ZFP62: variants seen among roughly 807,000 people sequenced by gnomAD.
ZFP62 encodes the protein zinc finger protein 62 homolog.
In ZFP62, 44 loss-of-function variants were observed where a neutral mutation model predicts 56.4. The ratio of observed to expected loss-of-function variants is 0.78; its 90% CI spans 0.61 to 1.00. The LOEUF (loss-of-function observed/expected upper bound fraction) is 1.00. Among genes scored for constraint, ZFP62 ranks in the 50% least tolerant of loss-of-function variants. ZFP62 has a pLI of 0.00. For synonymous variants in ZFP62, 421 were observed against 388.9 expected, an observed-to-expected ratio of 1.08 and a Z score of -0.97; for missense variants, 1,030 against 1,085.7, an observed-to-expected ratio of 0.95 and a Z score of 0.72.
chr5:180,837,553 C>T, the ZFP62 span, among the ~76,000 whole-genome samples: 1 of 152,164 alleles, frequency 6.6e-6, no homozygotes, highest in African/African-American at 2.4e-5. Flanking sequence ...AGCTCCTAAT[C>T]CCTGAGTTAA....
At chr5:180,836,794 T>G in the ZFP62 span, among the ~76,000 whole-genome samples, 1 of 152,240 alleles carries the variant, frequency 6.6e-6, no homozygotes, top group African/African-American at 2.4e-5. Context: ...AGAGGTGGGT[T>G]GCAGATCTAT....
Position 180,851,014 on chromosome 5 carries a change from T to G in ZFP62, c.481A>C (p.Ile161Leu). ...TAGCGCTTTTCCCCAGTGTGCATAATTTTATGTTGAACAAGGCGGGAATTA... is the reference window on the plus strand; with the variant it reads ...TAGCGCTTTTCCCCAGTGTGCATAAGTTTATGTTGAACAAGGCGGGAATTA... ...KYNSRLVQHK[I>L]MHTGEKRYEC... Residue 161 changes from isoleucine (I) to leucine (L), a missense_variant, in exon 2 of 2, where the codon ATT becomes CTT. By Grantham distance (5) the Ile-to-Leu change is conservative. Transcript: ENST00000502412. The G allele has an allele frequency of 6.4e-7, 1 of 1,551,860 alleles. No individual in the cohort carries two copies. The highest frequency in any genetic ancestry group is 8.7e-7 in the Non-Finnish European group (1 of 1,147,072).
chr5:180,841,613 G>T, the ZFP62 span, among the ~76,000 whole-genome samples: 1 of 152,290 alleles, frequency 6.6e-6, no homozygotes, highest in Non-Finnish European at 1.5e-5. Context: ...TCAGATGGAA[G>T]AAATCTAATG....
the ZFP62 span, among the ~76,000 whole-genome samples, chr5:180,833,478 CAAAAAAAA>C: frequency 0.047 from 3,610 of 76,742 alleles, 150 homozygotes; most frequent in African/African-American, 0.14. Context: ...AACTCTGTCT[CAAAAAAAA>C]AAAAAAAAAA....
chr5:180,845,665 C>T (rs1773397034), downstream of ZFP62: 1 of 977,766 alleles, frequency 1.0e-6, no homozygotes, highest in Non-Finnish European at 1.2e-6. Context: ...GAAGGGTCTC[C>T]CCAGCCCAGG....
Position 180,849,921 on chromosome 5 carries a change from C to T in ZFP62, c.1574G>A (p.Arg525Lys), listed in dbSNP as rs1240725663. ...AAAGGGTTTTTCCCTGGTATGAATC[C>T]TTTTATGCTGTTCAAGGGCAGAGCT... is the stretch of plus-strand genomic sequence containing the variant. ...NYSSALEQHKRIHTREKPFGC... is the reference protein window; with the variant it reads ...NYSSALEQHKKIHTREKPFGC... Residue 525 changes from arginine to lysine, a missense_variant, in exon 2 of 2, where the codon AGG becomes AAG. Arg to Lys is a conservative substitution (Grantham distance 26). Coordinates refer to ENST00000502412, the MANE Select transcript of ZFP62 (RefSeq NM_001172638.2). 1.3e-6 allele frequency: 2 copies of T among 1,551,604 alleles called. No individual in the cohort carries two copies. The highest frequency in any genetic ancestry group is 1.2e-5 in the South Asian group (1 of 84,056).
rs987020882 is a variant in ZFP62, at chr5:180,848,127, C to T, written c.*665G>A. Reference sequence around the variant, plus strand: ...ATTCAACTAATGTATCACAATAGTACGTTCATCAATTTGCATTTTTTATGA... The same window carrying T: ...ATTCAACTAATGTATCACAATAGTATGTTCATCAATTTGCATTTTTTATGA... On this transcript the variant is annotated 3_prime_UTR_variant, in exon 2 of 2. Coordinates refer to ENST00000502412, the MANE Select transcript of ZFP62 (RefSeq NM_001172638.2). 196 of 984,968 alleles carry T rather than the reference C, an allele frequency of 2.0e-4. No individual in the cohort carries two copies. Among genetic ancestry groups the T allele is most frequent in the East Asian group, 1.3e-3 (11 of 8,790 alleles). The allele number at this position is 984,968 out of a possible 1,614,324, so 61.0% of individuals were successfully genotyped here. A position where few individuals can be genotyped will look rare whatever the true frequency, so the allele number is the denominator to read the frequency against.
chr5:180,844,148 T>A (rs966044437), downstream of ZFP62, among the ~76,000 whole-genome samples: 2 of 152,250 alleles, frequency 1.3e-5, no homozygotes, highest in African/African-American at 4.8e-5. Flanking sequence ...CATCAACTTT[T>A]GCTCTCATTC....
At chr5:180,857,797 C>CT (rs5873717) in intron 1 of ZFP62, among the ~76,000 whole-genome samples, 96 of 143,764 alleles carry the variant, frequency 6.7e-4, no homozygotes, top group East Asian at 3.8e-3. Context: ...GCACCCAGAC[C>CT]TTTTTTTTTT....
In ZFP62 at chr5:180,848,044, A is replaced by T. The variant is rs1773476546; in HGVS notation, c.*748T>A. Reference sequence around the variant, plus strand: ...GAATACCACTTCCAGGTTATCCCTCATCACAAATTCATCATTCATTATGGG... The same window carrying T: ...GAATACCACTTCCAGGTTATCCCTCTTCACAAATTCATCATTCATTATGGG... On this transcript the variant is annotated 3_prime_UTR_variant, in exon 2 of 2. Coordinates refer to ENST00000502412, the MANE Select transcript of ZFP62 (RefSeq NM_001172638.2). 2 of 985,354 alleles carry T rather than the reference A, an allele frequency of 2.0e-6. No individual in the cohort carries two copies. The highest frequency in any genetic ancestry group is 2.4e-6 in the Non-Finnish European group (2 of 829,952). 61.0% of individuals were successfully genotyped at this position (985,354 alleles called of 1,614,324 possible). A position where few individuals can be genotyped will look rare whatever the true frequency, so the allele number is the denominator to read the frequency against.
In ZFP62 at chr5:180,847,613, T is replaced by C. The variant is rs1773450815; in HGVS notation, c.*1179A>G. The C allele has an allele frequency of 1.0e-6, 1 of 985,442 alleles. No homozygotes were observed. Among genetic ancestry groups the C allele is most frequent in the African/African-American group, 1.7e-5 (1 of 57,368 alleles). The allele number at this position is 985,442 out of a possible 1,614,324, so 61.0% of individuals were successfully genotyped here. A position where few individuals can be genotyped will look rare whatever the true frequency, so the allele number is the denominator to read the frequency against. Reference sequence around the variant, plus strand: ...CCTCCATCTAAACTCACAGCCCGTTTTGATTTAAGGAATTTCTTTATTGGA... The same window carrying C: ...CCTCCATCTAAACTCACAGCCCGTTCTGATTTAAGGAATTTCTTTATTGGA... On this transcript the variant is annotated 3_prime_UTR_variant, in exon 2 of 2. Transcript: ENST00000502412.
At chr5:180,854,421 T>C (rs1773867504) in intron 1 of ZFP62, among the ~76,000 whole-genome samples, 1 of 152,144 alleles carries the variant, frequency 6.6e-6, no homozygotes, top group Admixed American at 6.5e-5. Flanking sequence ...GGTTGATAAA[T>C]GTAGAAGGAA....
chr5:180,840,411 C>T, the ZFP62 span, among the ~76,000 whole-genome samples: 1 of 152,120 alleles, frequency 6.6e-6, no homozygotes, highest in African/African-American at 2.4e-5. Context: ...TTGCAGGATT[C>T]TAGGTGTGGG....
At chr5:180,829,334 T>C in the ZFP62 span, among the ~76,000 whole-genome samples, 19 of 152,376 alleles carry the variant, frequency 1.2e-4, no homozygotes, top group African/African-American at 4.3e-4. Flanking sequence ...GTGATCTTTG[T>C]TCTGCCTTTT....
chr5:180,847,583 G>A, downstream of ZFP62: 1 of 985,226 alleles, frequency 1.0e-6, no homozygotes, highest in Non-Finnish European at 1.2e-6. Context: ...ATGGCTCTTG[G>A]GTATCCTCCA....
intron 1 of ZFP62, among the ~76,000 whole-genome samples, chr5:180,859,157 A>G (rs1270280397): frequency 6.6e-6 from 1 of 152,174 alleles, no homozygotes; most frequent in Non-Finnish European, 1.5e-5. Flanking sequence ...CTATTAACAG[A>G]CTGCAACTAG....
At chr5:180,859,353 C>T (rs780185526) in intron 1 of ZFP62, among the ~76,000 whole-genome samples, 40 of 152,066 alleles carry the variant, frequency 2.6e-4, no homozygotes, top group Non-Finnish European at 5.7e-4. Flanking sequence ...CAAAGAGTAC[C>T]TAGGAGGGGC....
At chr5:180,852,692 G>A (rs868724133) in intron 1 of ZFP62, among the ~76,000 whole-genome samples, 5 of 152,090 alleles carry the variant, frequency 3.3e-5, no homozygotes, top group Non-Finnish European at 7.3e-5. Context: ...TGCCTCTCTG[G>A]CCTGAGTATA....
At chr5:180,857,680 T>C (rs908960716) in intron 1 of ZFP62, among the ~76,000 whole-genome samples, 1 of 152,086 alleles carries the variant, frequency 6.6e-6, no homozygotes, top group Admixed American at 6.5e-5. Flanking sequence ...ATATTTTTAG[T>C]AGAGATGGGG....
Sources: allele counts gnomAD v4.1 joint callset (sites outside exome capture counted in the v4.1 genomes callset), GRCh38; gene constraint gnomAD v4.1.1; transcripts MANE v1.5; gene names NCBI Gene and HGNC (gene_info 2026-07-23, HGNC 2026-07-21).